Variants in BAP1 observed in about 807,000 individuals in gnomAD.
BAP1 encodes the protein ubiquitin carboxyl-terminal hydrolase BAP1.
A neutral mutation model predicts 77.2 loss-of-function variants in BAP1; 16 were observed. That is an observed-to-expected ratio of 0.21 (90% CI 0.14 to 0.31). The LOEUF (loss-of-function observed/expected upper bound fraction) is 0.31, where lower values mean the gene tolerates loss of function less well. BAP1 is among the 10% of genes least tolerant of loss of function. The pLI, the probability that BAP1 is intolerant of heterozygous loss-of-function variation, is 1.00. For synonymous variants in BAP1, 362 were observed against 385.2 expected (o/e 0.94, Z 0.71); for missense variants, 699 against 967.3 (o/e 0.72, Z 3.68).
chr3:52,408,603 A>C lies in BAP1; in HGVS notation c.126T>G (p.Pro42=). The part of the protein sequence containing the change: ...IYDLQSKCQG[P]VYGFIFLFKW... Reference sequence around the variant, plus strand: ...TGAACAGGAAGATAAATCCATATACAGGGCTGGGGGAAGTAAGGGGCAGAG... The same window carrying C: ...TGAACAGGAAGATAAATCCATATACCGGGCTGGGGGAAGTAAGGGGCAGAG... Residue 42 remains proline (P), a synonymous_variant, in exon 4 of 17, where the codon CCT becomes CCG. Coordinates refer to ENST00000460680, the MANE Select transcript of BAP1 (RefSeq NM_004656.4). The C allele has an allele frequency of 6.2e-7, 1 of 1,609,092 alleles. No individual in the cohort carries two copies. The highest frequency in any genetic ancestry group is 8.5e-7 in the Non-Finnish European group (1 of 1,177,894).
In BAP1 at chr3:52,406,954, T is replaced by G. The variant is rs2153227693; in HGVS notation, c.581-47A>C. 6.5e-7 allele frequency: 1 copy of G among 1,549,398 alleles called. No homozygotes were observed. Among genetic ancestry groups the G allele is most frequent in the Non-Finnish European group, 8.7e-7 (1 of 1,142,980 alleles). Reference sequence around the variant, plus strand: ...AATCAGCGAGAAGGAAACCCTGAGTTTGGGCAGGCCAGGAGTGGGAAGGAA... The same window carrying G: ...AATCAGCGAGAAGGAAACCCTGAGTGTGGGCAGGCCAGGAGTGGGAAGGAA... On this transcript the variant is annotated intron_variant, in intron 7 of 16. Coordinates refer to ENST00000460680, the MANE Select transcript of BAP1 (RefSeq NM_004656.4). The surrounding 1 kb of genome is among the most constrained non-coding windows in gnomAD (Gnocchi z 4.6).
chr3:52,407,048 A>G (rs1016435728), intron 7 of BAP1, 126 bp downstream of exon 7: 2 of 1,530,514 alleles, frequency 1.3e-6, no homozygotes, highest in African/African-American at 1.4e-5. Context: ...GTGAAACCCC[A>G]GCCAGAGCCG....
At position 52,408,504 on chromosome 3, in the gene BAP1, A is replaced by G; in HGVS notation, c.225T>C (p.Asp75=). 6.2e-7 allele frequency: 1 copy of G among 1,612,174 alleles called. No individual in the cohort carries two copies. The highest frequency in any genetic ancestry group is 1.1e-5 in the South Asian group (1 of 90,472). ...GGGCAAAGAACATGTTATTCACAAT[A>G]TCATCATCAATCACGGACGTATCAT... ...LVDDTSVIDD[D]IVNNMFFAHQ... Residue 75 remains aspartate (D), a synonymous_variant, in exon 4 of 17, where the codon GAT becomes GAC. Transcript: ENST00000460680.
intron 10 of BAP1, chr3:52,405,521 A>AAAAAC: frequency 6.0e-5 from 29 of 481,068 alleles, no homozygotes; most frequent in Admixed American, 8.4e-5. Flanking sequence ...AAAAAAAAAA[A>AAAAAC]CCGCCTCTAG....
Position 52,403,723 on chromosome 3 carries a change from C to T in BAP1, c.1422G>A (p.Pro474=), listed in dbSNP as rs199888129. 32 of 1,614,012 alleles carry T rather than the reference C, an allele frequency of 2.0e-5. No homozygotes were observed. The highest frequency in any genetic ancestry group is 6.7e-5 in the African/African-American group (5 of 75,014). ...SIKTSSGAGS[P]AVAVPTHSQP... ...GCGAGTGTGTGGGCACTGCCACAGC[C>T]GGACTCCCAGCCCCGCTGCTAGTCT... Residue 474 remains proline, a synonymous_variant, in exon 13 of 17, where the codon CCG becomes CCA. Transcript: ENST00000460680. This position sits in a 1 kb window ranked among gnomAD's most constrained non-coding sequence, Gnocchi z 4.0.
At position 52,404,594 on chromosome 3, in the gene BAP1, A is replaced by G. The variant is rs901319558; in HGVS notation, c.1117-8T>C. ...CGCCAGGTCTTCTTCCTCCTGGGACAAAGACCAGGGCAGTTACAAACAAGT... is the reference window on the plus strand; with the variant it reads ...CGCCAGGTCTTCTTCCTCCTGGGACGAAGACCAGGGCAGTTACAAACAAGT... On this transcript the variant is annotated splice_region_variant and splice_polypyrimidine_tract_variant and intron_variant, in intron 11 of 16. Transcript: ENST00000460680. 1.2e-6 allele frequency: 2 copies of G among 1,612,238 alleles called. No individual in the cohort carries two copies. The highest frequency in any genetic ancestry group is 2.7e-5 in the African/African-American group (2 of 74,912).
In BAP1 at chr3:52,405,252, G is replaced by A. The variant is rs2153227068; in HGVS notation, c.974C>T (p.Ser325Phe). 1 of 1,614,016 alleles carries A rather than the reference G, an allele frequency of 6.2e-7. No individual in the cohort carries two copies. Among genetic ancestry groups the A allele is most frequent in the Non-Finnish European group, 8.5e-7 (1 of 1,180,034 alleles). ...EAAGSCAQAP[S>F]HSPPNKPKLV... ...CTTGGGTTTGTTGGGAGGGCTGTGG[G>A]ATGGGGCTTGTGCGCATGAACCAGC... is the stretch of plus-strand genomic sequence containing the variant. Residue 325 changes from serine (S) to phenylalanine (F), a missense_variant, in exon 11 of 17, where the codon TCC becomes TTC. This residue lies in a region of BAP1 where 475 missense variants were observed against 532.4 expected (regional missense o/e 0.89). Coordinates refer to ENST00000460680, the MANE Select transcript of BAP1 (RefSeq NM_004656.4).
Position 52,401,877 on chromosome 3 carries a change from C to A in BAP1, c.*411G>T, listed in dbSNP as rs571975248. ...GCATGATACAAGGACCTGGGCCCAC[C>A]AGGACAGCTCCTAGGAGAGAAAGCA... is the stretch of plus-strand genomic sequence containing the variant. On this transcript the variant is annotated 3_prime_UTR_variant, in exon 17 of 17. Transcript: ENST00000460680. 18 of 339,944 alleles carry A rather than the reference C, an allele frequency of 5.3e-5. No homozygotes were observed. The highest frequency in any genetic ancestry group is 3.3e-4 in the African/African-American group (16 of 48,898). 21.1% of individuals were successfully genotyped at this position (339,944 alleles called of 1,614,324 possible).
rs376033003 is a variant in BAP1, at chr3:52,404,574, G to A, written c.1129C>T (p.Leu377=). ...CGGCTGCGGCCCACACCTGCCGCCA[G>A]GTCTTCTTCCTCCTGGGACAAAGAC... is the stretch of plus-strand genomic sequence containing the variant. ...AKSPMQEEED[L]AAGVGRSRVP... is the part of the protein sequence containing the mutation. The change falls in exon 12 of 17, where the codon CTG becomes TTG. Residue 377 remains leucine, a synonymous_variant. Transcript: ENST00000460680. 1 of 1,613,638 alleles carries A rather than the reference G, an allele frequency of 6.2e-7. No individual in the cohort carries two copies. Among genetic ancestry groups the A allele is most frequent in the South Asian group, 1.1e-5 (1 of 90,980 alleles).
intron 6 of BAP1, 31 bp downstream of exon 6, chr3:52,407,368 C>A (rs765170951): frequency 1.2e-6 from 2 of 1,614,214 alleles, no homozygotes; most frequent in Non-Finnish European, 1.7e-6. Flanking sequence ...CCTACTCCCA[C>A]CCCACATCAG....
At chr3:52,405,508 A>AAC in intron 10 of BAP1, 1 of 615,178 alleles carries the variant, frequency 1.6e-6, no homozygotes, top group Non-Finnish European at 2.6e-6. Context: ...AAAAAAAAAA[A>AAC]AAAAAAAAAA....
chr3:52,409,378 G>C (rs192763339), intron 3 of BAP1, among the ~76,000 whole-genome samples, 176 bp downstream of exon 3: 1 of 152,354 alleles, frequency 6.6e-6, no homozygotes, highest in Admixed American at 6.5e-5. Context: ...GAAAGTTTGG[G>C]AGAAAAGAAA....
In BAP1 at chr3:52,409,855, C is replaced by T. The variant is rs1705318587; in HGVS notation, c.24G>A (p.Leu8=). The change falls in exon 1 of 17, where the codon CTG becomes CTA. Residue 8 remains leucine (L), a synonymous_variant. Coordinates refer to ENST00000460680, the MANE Select transcript of BAP1 (RefSeq NM_004656.4). MNKGWLE[L]ESDPGLFTLL... is the part of the protein sequence containing the mutation. ...TCCCCTCCTCACCTGGGTCGCTCTC[C>T]AGCTCCAGCCAGCCCTTATTCATCT... The T allele has an allele frequency of 6.2e-7, 1 of 1,610,810 alleles. No individual in the cohort carries two copies. Among genetic ancestry groups the T allele is most frequent in the Non-Finnish European group, 8.5e-7 (1 of 1,179,926 alleles).
Position 52,402,526 on chromosome 3 carries a change from G to A in BAP1, c.2056+76C>T. Reference sequence around the variant, plus strand: ...CCCAAGGTCTGCTCAAGCCTCAGGAGAGGCCAGGGGAGGGGAGCTGAAGGA... The same window carrying A: ...CCCAAGGTCTGCTCAAGCCTCAGGAAAGGCCAGGGGAGGGGAGCTGAAGGA... On this transcript the variant is annotated intron_variant, in intron 16 of 16. Transcript: ENST00000460680. The surrounding 1 kb of genome is among the most constrained non-coding windows in gnomAD (Gnocchi z 5.3). The A allele has an allele frequency of 6.2e-7, 1 of 1,611,812 alleles. No homozygotes were observed. Among genetic ancestry groups the A allele is most frequent in the Non-Finnish European group, 8.5e-7 (1 of 1,178,510 alleles).
chr3:52,407,741 AC>A (rs1246263953), intron 5 of BAP1, among the ~76,000 whole-genome samples: 5 of 151,296 alleles, frequency 3.3e-5, no homozygotes, highest in African/African-American at 1.2e-4. Context: ...ACTTAAGGAA[AC>A]TCTCCTCCCT....
In BAP1 at chr3:52,406,570, G is replaced by T; in HGVS notation, c.660-194C>A. 1.0e-6 allele frequency: 1 copy of T among 961,322 alleles called. No homozygotes were observed. Among genetic ancestry groups the T allele is most frequent in the Non-Finnish European group, 1.6e-6 (1 of 638,086 alleles). The allele number at this position is 961,322 out of a possible 1,614,324, so 59.5% of individuals were successfully genotyped here. On this transcript the variant is annotated intron_variant, in intron 8 of 16. Coordinates refer to ENST00000460680, the MANE Select transcript of BAP1 (RefSeq NM_004656.4). This position sits in a 1 kb window ranked among gnomAD's most constrained non-coding sequence, Gnocchi z 4.6. Reference sequence around the variant, plus strand: ...TACCTTCCAACAAGCTGTATGAGGGGCCTATCTGGAAGTGAACCAGCAGAC... The same window carrying T: ...TACCTTCCAACAAGCTGTATGAGGGTCCTATCTGGAAGTGAACCAGCAGAC...
At position 52,409,887 on chromosome 3, in the gene BAP1, G is replaced by C. The variant is rs764589031; in HGVS notation, c.-9C>G. The C allele has an allele frequency of 1.9e-6, 3 of 1,606,476 alleles. No individual in the cohort carries two copies. Among genetic ancestry groups the C allele is most frequent in the Admixed American group, 1.7e-5 (1 of 60,010 alleles). ...AGCCAGCCCTTATTCATCTTCCCGC[G>C]GGGCGGCCCCTCAGCGCCATGTCCA... On this transcript the variant is annotated 5_prime_UTR_variant, in exon 1 of 17. Coordinates refer to ENST00000460680, the MANE Select transcript of BAP1 (RefSeq NM_004656.4).
rs1475066493 is a variant in BAP1, at chr3:52,409,739, G to A, written c.42C>T (p.Leu14=). 6.2e-7 allele frequency: 1 copy of A among 1,613,918 alleles called. No homozygotes were observed. The highest frequency in any genetic ancestry group is 1.3e-5 in the African/African-American group (1 of 74,950). The change falls in exon 2 of 17, where the codon CTC becomes CTT. Residue 14 remains leucine (L), a synonymous_variant. Coordinates refer to ENST00000460680, the MANE Select transcript of BAP1 (RefSeq NM_004656.4). ...CGAAATCTTCCACGAGCAGGGTGAAGAGGCCTGGGTGGGGCGACAAGAGGA... is the reference window on the plus strand; with the variant it reads ...CGAAATCTTCCACGAGCAGGGTGAAAAGGCCTGGGTGGGGCGACAAGAGGA... The part of the protein sequence containing the change: ...GWLELESDPG[L]FTLLVEDFGV...
intron 11 of BAP1, among the ~76,000 whole-genome samples, chr3:52,404,810 CAT>C (rs1705097699): frequency 6.6e-6 from 1 of 152,218 alleles, no homozygotes; most frequent in Non-Finnish European, 1.5e-5. Context: ...CCCTGAAACA[CAT>C]GCCTTTATTT....
Sources: allele counts gnomAD v4.1 joint callset (sites outside exome capture counted in the v4.1 genomes callset), GRCh38; gene constraint gnomAD v4.1.1; regional missense constraint gnomAD v4.1.1; non-coding constraint Gnocchi (gnomAD v3.1); transcripts MANE v1.5; gene names NCBI Gene and HGNC (gene_info 2026-07-23, HGNC 2026-07-21).